The following ADCY6 variants were observed in gnomAD, a reference collection of about 807,000 sequenced individuals.
ADCY6 encodes adenylate cyclase 6.
A neutral mutation model predicts 111.6 loss-of-function variants in ADCY6; 59 were observed. The observed-to-expected ratio is 0.53, with a 90% confidence interval of 0.43 to 0.66. The LOEUF is 0.66. ADCY6 is among the 30% of genes least tolerant of loss of function. The pLI is 0.00. For synonymous variants in ADCY6, 576 were observed against 642.9 expected, an observed-to-expected ratio of 0.90 and a Z score of 1.57; for missense variants, 1,242 against 1,595.6, an observed-to-expected ratio of 0.78 and a Z score of 3.78.
Position 48,768,385 on chromosome 12 carries a change from T to C in ADCY6, c.*206A>G. Reference sequence around the variant, plus strand: ...TACCCCAAGTAAGAAAGAAAGTCACTTGCATAATCCTCTCGGTAGGTAGCC... The same window carrying C: ...TACCCCAAGTAAGAAAGAAAGTCACCTGCATAATCCTCTCGGTAGGTAGCC... On this transcript the variant is annotated 3_prime_UTR_variant, in exon 22 of 22. Coordinates refer to ENST00000357869, the MANE Select transcript of ADCY6 (RefSeq NM_015270.5). The C allele has an allele frequency of 1.5e-6, 1 of 689,260 alleles. No homozygotes were observed. The highest frequency in any genetic ancestry group is 1.8e-5 in the South Asian group (1 of 54,588). The allele number at this position is 689,260 out of a possible 1,614,324, so 42.7% of individuals were successfully genotyped here.
chr12:48,775,489 A>G lies in ADCY6; in HGVS notation c.1833-39T>C, dbSNP rs758827459. 9.3e-6 allele frequency: 15 copies of G among 1,611,410 alleles called. No homozygotes were observed. In the Admixed American group the frequency reaches 2.5e-4, roughly 27 times the overall value. ...ACATGGTTTCACCAGTTGCATGGGCATGGCCATGTGAGAAACAATGAAAGG... is the reference window on the plus strand; with the variant it reads ...ACATGGTTTCACCAGTTGCATGGGCGTGGCCATGTGAGAAACAATGAAAGG... On this transcript the variant is annotated intron_variant, in intron 10 of 21. Transcript: ENST00000357869.
intron 20 of ADCY6, among the ~76,000 whole-genome samples, chr12:48,769,685 C>G (rs1360411546): frequency 2.0e-5 from 3 of 150,014 alleles, no homozygotes; most frequent in Admixed American, 6.6e-5. Context: ...CTCCCAGGTT[C>G]AAGAGATTCT....
chr12:48,771,929 G>A lies in ADCY6; in HGVS notation c.2832C>T (p.Asn944=). 6.2e-7 allele frequency: 1 copy of A among 1,614,088 alleles called. No homozygotes were observed. Among genetic ancestry groups the A allele is most frequent in the Non-Finnish European group, 8.5e-7 (1 of 1,179,994 alleles). ...GCAGAATGTTATGCAGCAGCCTCCG[G>A]TTGTATGCCTGTAGCTCCTCCATCT... ...KEEMEELQAY[N]RRLLHNILPK... Residue 944 remains asparagine (N), a synonymous_variant, in exon 19 of 22, where the codon AAC becomes AAT. Coordinates refer to ENST00000357869, the MANE Select transcript of ADCY6 (RefSeq NM_015270.5). This position sits in a 1 kb window ranked among gnomAD's most constrained non-coding sequence, Gnocchi z 4.3.
In ADCY6 at chr12:48,782,870, C is replaced by T; in HGVS notation, c.565G>A (p.Ala189Thr). ...ACCACCATGAGCCCCACGAACAGGGCGGCGGCACAGGCCAACAGTGCCACA... is the reference window on the plus strand; with the variant it reads ...ACCACCATGAGCCCCACGAACAGGGTGGCGGCACAGGCCAACAGTGCCACA... ...AYVALLACAA[A>T]LFVGLMVVCN... The change falls in exon 2 of 22, where the codon GCC (alanine) becomes ACC (threonine). Residue 189 changes from alanine to threonine, a missense_variant. Ala to Thr is a moderately conservative substitution (Grantham distance 58). Around this residue, in one of 4 missense-constraint regions of ADCY6, gnomAD observed 362 missense variants for 377.2 expected, o/e 0.96. Coordinates refer to ENST00000357869, the MANE Select transcript of ADCY6 (RefSeq NM_015270.5). This position sits in a 1 kb window ranked among gnomAD's most constrained non-coding sequence, Gnocchi z 4.3. 1 of 1,614,020 alleles carries T rather than the reference C, an allele frequency of 6.2e-7. No homozygotes were observed. The highest frequency in any genetic ancestry group is 8.5e-7 in the Non-Finnish European group (1 of 1,179,956).
At position 48,777,440 on chromosome 12, in the gene ADCY6, C is replaced by A; in HGVS notation, c.1218G>T (p.Glu406Asp). Residue 406 changes from glutamate (E) to aspartate (D), a missense_variant, in exon 5 of 22, where the codon GAG becomes GAT. Physicochemically the swap from Glu to Asp is conservative, Grantham distance 45. Transcript: ENST00000357869. The surrounding 1 kb of genome is among the most constrained non-coding windows in gnomAD (Gnocchi z 4.9). ...CCAGCTTGTCAAACCGGGCAAAGAG[C>A]TCATTCAGGGTCATGACCAGCTCCT... ...TAQELVMTLN[E>D]LFARFDKLAA... The A allele has an allele frequency of 1.2e-6, 2 of 1,614,270 alleles. No individual in the cohort carries two copies. Among genetic ancestry groups the A allele is most frequent in the Non-Finnish European group, 1.7e-6 (2 of 1,180,040 alleles).
At chr12:48,772,153 G>C (rs892469615) in intron 18 of ADCY6, 142 bp downstream of exon 18, 3 of 1,408,488 alleles carry the variant, frequency 2.1e-6, no homozygotes, top group Admixed American at 2.4e-5. Flanking sequence ...AGGGAGTAAG[G>C]GATGGGCACA....
intron 1 of ADCY6, among the ~76,000 whole-genome samples, chr12:48,787,215 A>G (rs566504678): frequency 6.6e-6 from 1 of 151,740 alleles, no homozygotes; most frequent in South Asian, 2.1e-4. Flanking sequence ...TCCTCCATTC[A>G]CCAGTCCCCT....
At chr12:48,769,953 G>T (rs1386301815) in intron 20 of ADCY6, among the ~76,000 whole-genome samples, 1 of 151,840 alleles carries the variant, frequency 6.6e-6, no homozygotes, top group African/African-American at 2.4e-5. Flanking sequence ...AGTAGAGACG[G>T]AATTTCACCG....
At position 48,768,402 on chromosome 12, in the gene ADCY6, T is replaced by C. The variant is rs867038902; in HGVS notation, c.*189A>G. On this transcript the variant is annotated 3_prime_UTR_variant, in exon 22 of 22. Transcript: ENST00000357869. ...AAAGTCACTTGCATAATCCTCTCGG[T>C]AGGTAGCCCCTTGTTTTCCAGCTTG... The C allele has an allele frequency of 3.1e-4, 232 of 755,966 alleles. 1 individual carries two copies. The African/African-American group carries it at 3.6e-3, about 12-fold the overall frequency. 46.8% of individuals were successfully genotyped at this position (755,966 alleles called of 1,614,324 possible). A position where few individuals can be genotyped will look rare whatever the true frequency, so the allele number is the denominator to read the frequency against.
intron 16 of ADCY6, 85 bp downstream of exon 16, chr12:48,773,384 G>A: frequency 6.8e-7 from 1 of 1,464,156 alleles, no homozygotes; most frequent in Non-Finnish European, 9.3e-7. Flanking sequence ...AAGGCACAAG[G>A]GGCATGGGCA....
rs770663933 is a variant in ADCY6, at chr12:48,768,735, A to G, written c.3382-19T>C. 40 of 1,611,910 alleles carry G rather than the reference A, an allele frequency of 2.5e-5. No individual in the cohort carries two copies. In the Admixed American group the frequency reaches 6.7e-4, roughly 27 times the overall value. On this transcript the variant is annotated intron_variant, in intron 21 of 21. Coordinates refer to ENST00000357869, the MANE Select transcript of ADCY6 (RefSeq NM_015270.5). ...TGGTCACCTGGGGGAGTGGGAGGGG[A>G]GCCCGCTTAGCCTGGAATCCTTCCT...
rs1941551290 is a variant in ADCY6, at chr12:48,771,754, C to T, written c.3007G>A (p.Glu1003Lys). The T allele has an allele frequency of 6.2e-7, 1 of 1,614,050 alleles. No homozygotes were observed. The highest frequency in any genetic ancestry group is 1.3e-5 in the African/African-American group (1 of 74,908). The stretch of plus-strand genomic sequence containing the variant: ...ATCTCGTTGAGCAGCCGCAGGCACT[C>T]GACACCCTCATTGTTTGCCTCCAGC... Reference protein sequence around the residue: ...VELEANNEGVECLRLLNEIIA... With the variant: ...VELEANNEGVKCLRLLNEIIA... Residue 1003 changes from glutamate (E) to lysine (K), a missense_variant, in exon 19 of 22, where the codon GAG becomes AAG. Physicochemically the swap from Glu to Lys is moderately conservative, Grantham distance 56. This residue lies in a region of ADCY6 where 245 missense variants were observed against 371.3 expected (regional missense o/e 0.66). Transcript: ENST00000357869. This position sits in a 1 kb window ranked among gnomAD's most constrained non-coding sequence, Gnocchi z 4.3.
At chr12:48,774,231 G>T (rs1941632135) in intron 14 of ADCY6, 133 bp from the exon 15 acceptor site, 7 of 1,066,836 alleles carry the variant, frequency 6.6e-6, no homozygotes, top group Admixed American at 6.5e-5. Context: ...CTCACTCAGG[G>T]ATGACAAGAG....
Position 48,783,097 on chromosome 12 carries a change from C to A in ADCY6, c.338G>T (p.Arg113Met). Residue 113 changes from arginine (R) to methionine (M), a missense_variant, in exon 2 of 22, where the codon AGG becomes ATG. This residue lies in a region of ADCY6 where 362 missense variants were observed against 377.2 expected (regional missense o/e 0.96). Transcript: ENST00000357869. ...TAEVAPDAVPRSGRSCWRRLV... is the reference protein window; with the variant it reads ...TAEVAPDAVPMSGRSCWRRLV... Reference sequence around the variant, plus strand: ...ACGGCGCCAGCAGGATCGCCCACTCCTGGGCACCGCGTCGGGCGCCACCTC... The same window carrying A: ...ACGGCGCCAGCAGGATCGCCCACTCATGGGCACCGCGTCGGGCGCCACCTC... 1 of 1,611,254 alleles carries A rather than the reference C, an allele frequency of 6.2e-7. No individual in the cohort carries two copies. The highest frequency in any genetic ancestry group is 2.2e-5 in the East Asian group (1 of 44,860).
In ADCY6 at chr12:48,782,315, TG is replaced by T. The variant is rs1941863718; in HGVS notation, c.864+255del. ...CTAAAGAGCCGGAGACTGGGGCCCATGGTGACAGAGTTCAGGCTTGGGTCCT... is the reference window on the plus strand; with the variant it reads ...CTAAAGAGCCGGAGACTGGGGCCCATGTGACAGAGTTCAGGCTTGGGTCCT... On this transcript the variant is annotated intron_variant, in intron 2 of 21. Coordinates refer to ENST00000357869, the MANE Select transcript of ADCY6 (RefSeq NM_015270.5). The surrounding 1 kb of genome is among the most constrained non-coding windows in gnomAD (Gnocchi z 4.3). Among the ~76,000 whole-genome samples the T allele has an allele frequency of 1.3e-5, 2 of 152,096 alleles. No homozygotes were observed. The highest frequency in any genetic ancestry group is 1.5e-5 in the Non-Finnish European group (1 of 68,012).
chr12:48,784,665 GTTTTTTTTTTT>G (rs766502422), intron 1 of ADCY6, among the ~76,000 whole-genome samples: 5 of 72,294 alleles, frequency 6.9e-5, no homozygotes, highest in African/African-American at 2.4e-4. Context: ...AAAATCTGGA[GTTTTTTTTTTT>G]TTTTTTTTTT....
At chr12:48,785,926 A>G (rs1249644861) in intron 1 of ADCY6, among the ~76,000 whole-genome samples, 1 of 152,160 alleles carries the variant, frequency 6.6e-6, no homozygotes, top group Non-Finnish European at 1.5e-5. Flanking sequence ...TCCTGGAGGA[A>G]ATGTCATGAA....
At chr12:48,778,068 T>C in intron 3 of ADCY6, 40 bp downstream of exon 3, 1 of 1,575,358 alleles carries the variant, frequency 6.3e-7, no homozygotes, top group Non-Finnish European at 8.6e-7. Context: ...TATTTGGGGG[T>C]AAGGTGGGGG....
rs535181410 is a variant in ADCY6, at chr12:48,771,400, G to A, written c.3051+310C>T. On this transcript the variant is annotated intron_variant, in intron 19 of 21. Coordinates refer to ENST00000357869, the MANE Select transcript of ADCY6 (RefSeq NM_015270.5). The surrounding 1 kb of genome is among the most constrained non-coding windows in gnomAD (Gnocchi z 4.3). Reference sequence around the variant, plus strand: ...GACCATCTTGCTTGGTTGGTCTCATGAGGTTCTGTCCACAGACTATTGCCT... The same window carrying A: ...GACCATCTTGCTTGGTTGGTCTCATAAGGTTCTGTCCACAGACTATTGCCT... 25 of 524,524 alleles carry A rather than the reference G, an allele frequency of 4.8e-5. No individual in the cohort carries two copies. Among genetic ancestry groups the A allele is most frequent in the South Asian group, 4.7e-4 (23 of 48,928 alleles). 32.5% of individuals were successfully genotyped at this position (524,524 alleles called of 1,614,324 possible).
Sources: allele counts gnomAD v4.1 joint callset (sites outside exome capture counted in the v4.1 genomes callset), GRCh38; gene constraint gnomAD v4.1.1; regional missense constraint gnomAD v4.1.1; non-coding constraint Gnocchi (gnomAD v3.1); transcripts MANE v1.5; gene names NCBI Gene and HGNC (gene_info 2026-07-23, HGNC 2026-07-21).